The following GAS7 variants were observed in gnomAD, a reference collection of about 807,000 sequenced individuals.
GAS7 encodes growth arrest-specific protein 7.
GAS7 carries 28 observed loss-of-function variants against 71.1 expected under a neutral mutation model. The observed-to-expected ratio is 0.39, with a 90% CI of 0.29 to 0.54. The LOEUF (loss-of-function observed/expected upper bound fraction) is 0.54, where lower values mean the gene tolerates loss of function less well. GAS7 is among the 20% of genes least tolerant of loss of function. The pLI, the probability that GAS7 is intolerant of heterozygous loss-of-function variation, is 0.62. For missense variants in GAS7, 436 were observed against 627.8 expected (o/e 0.69, Z 3.27); for synonymous variants, 258 against 245.8 (o/e 1.05, Z -0.46).
chr17:10,183,982 C>A (rs2074435108), intron 1 of GAS7, among the ~76,000 whole-genome samples: 1 of 152,178 alleles, frequency 6.6e-6, no homozygotes, highest in South Asian at 2.1e-4. Flanking sequence ...CTGGCCGACC[C>A]TTGAACGTTG....
chr17:10,087,273 A>G (rs979902951), intron 1 of GAS7, among the ~76,000 whole-genome samples: 5 of 152,204 alleles, frequency 3.3e-5, no homozygotes, highest in Non-Finnish European at 7.4e-5. Flanking sequence ...CCCTCCCCAC[A>G]ATGACCAGAT....
intron 2 of GAS7, among the ~76,000 whole-genome samples, chr17:10,017,414 C>T (rs1220146092): frequency 6.6e-6 from 1 of 151,848 alleles, no homozygotes; most frequent in African/African-American, 2.4e-5. Flanking sequence ...CTGCAACTTC[C>T]ACCTCACGCG....
chr17:10,163,917 C>T (rs940782445), intron 1 of GAS7, among the ~76,000 whole-genome samples: 1 of 152,194 alleles, frequency 6.6e-6, no homozygotes, highest in Non-Finnish European at 1.5e-5. Context: ...ACGCAGATAA[C>T]GTGCTCACTT....
At chr17:10,167,044 CTTTTTTTTTT>C (rs1164151104) in intron 1 of GAS7, among the ~76,000 whole-genome samples, 56 of 58,818 alleles carry the variant, frequency 9.5e-4, no homozygotes, top group African/African-American at 2.8e-3. Flanking sequence ...TTCCATTTGT[CTTTTTTTTTT>C]TTTTTTTTTT....
chr17:10,005,138 C>CGCACGCATGCATGCATGTGTGT (rs2071438195), intron 2 of GAS7, among the ~76,000 whole-genome samples: 6 of 149,874 alleles, frequency 4.0e-5, no homozygotes, highest in Non-Finnish European at 7.4e-5. Context: ...AGCATGTGTG[C>CGCACGCATGCATGCATGTGTGT]GCGCACGCAT....
At chr17:9,992,562 CT>C (rs59174282) in intron 2 of GAS7, among the ~76,000 whole-genome samples, 38,688 of 143,594 alleles carry the variant, frequency 0.27, 5,138 homozygotes, top group Middle Eastern at 0.36. Context: ...TTCCCAAAGT[CT>C]TTTTTTTTTT....
chr17:10,076,855 A>G (rs2073400021), intron 1 of GAS7, among the ~76,000 whole-genome samples: 1 of 148,182 alleles, frequency 6.7e-6, no homozygotes, highest in South Asian at 2.1e-4. Context: ...CCAGAGCCGG[A>G]ATCAAGCCTG....
At chr17:9,961,507 G>A (rs540408096) in intron 4 of GAS7, among the ~76,000 whole-genome samples, 1 of 152,258 alleles carries the variant, frequency 6.6e-6, no homozygotes, top group South Asian at 2.1e-4. Flanking sequence ...TCACCACCGC[G>A]TTCCCACTGC....
In GAS7 at chr17:10,009,036, T is replaced by C. The variant is rs188955742; in HGVS notation, c.304+10741A>G. Among the ~76,000 whole-genome samples, 774 of 152,294 alleles carry C rather than the reference T, an allele frequency of 5.1e-3. 2 individuals carry two copies. The highest frequency in any genetic ancestry group is 7.4e-3 in the Non-Finnish European group (504 of 68,020). On this transcript the variant is annotated intron_variant, in intron 2 of 13. Coordinates refer to ENST00000432992, the MANE Select transcript of GAS7 (RefSeq NM_201433.2). ...CAAAGAAAAGTTAAAAGTGTTCTACTGGGGCCGGGCGCGGTGGCTCACGCC... is the reference window on the plus strand; with the variant it reads ...CAAAGAAAAGTTAAAAGTGTTCTACCGGGGCCGGGCGCGGTGGCTCACGCC...
chr17:9,946,602 A>T (rs913761825), intron 6 of GAS7, among the ~76,000 whole-genome samples: 9 of 152,194 alleles, frequency 5.9e-5, no homozygotes, highest in Non-Finnish European at 1.3e-4. Context: ...GGCAGATTCT[A>T]GTCTCCTGCC....
intron 3 of GAS7, among the ~76,000 whole-genome samples, chr17:9,979,597 C>G (rs3786091): frequency 0.39 from 58,539 of 151,910 alleles, 13,239 homozygotes; most frequent in African/African-American, 0.64. Context: ...TGTGGAGGGT[C>G]CCAGGAGAGC....
intron 1 of GAS7, among the ~76,000 whole-genome samples, chr17:10,153,386 G>A (rs1457524895): frequency 2.0e-5 from 3 of 151,768 alleles, no homozygotes; most frequent in Admixed American, 6.6e-5. Context: ...GTGTGGTGGC[G>A]GGTGCCTGTA....
intron 1 of GAS7, among the ~76,000 whole-genome samples, chr17:10,190,995 G>A (rs988465809): frequency 6.6e-6 from 1 of 151,742 alleles, no homozygotes; most frequent in Non-Finnish European, 1.5e-5. Context: ...GACCAACATG[G>A]AGAAATCCCA....
chr17:9,927,003 G>T, intron 9 of GAS7: 2 of 503,100 alleles, frequency 4.0e-6, no homozygotes, highest in South Asian at 3.1e-5. Context: ...CAGGATAAGT[G>T]GTTAGCAACT....
chr17:10,043,943 A>T (rs1008207007), intron 1 of GAS7, among the ~76,000 whole-genome samples: 3 of 152,106 alleles, frequency 2.0e-5, no homozygotes, highest in Admixed American at 2.0e-4. Flanking sequence ...TAAATAAATA[A>T]ATAAAATCAT....
intron 1 of GAS7, among the ~76,000 whole-genome samples, chr17:10,112,268 G>A (rs1327806392): frequency 1.3e-5 from 2 of 152,150 alleles, no homozygotes; most frequent in African/African-American, 4.8e-5. Flanking sequence ...GCTTTCCAGG[G>A]GTGTTTGCCC....
chr17:9,961,499 A>AC (rs1234234881), intron 4 of GAS7, among the ~76,000 whole-genome samples: 1 of 152,010 alleles, frequency 6.6e-6, no homozygotes, highest in African/African-American at 2.4e-5. Context: ...TACCACCATC[A>AC]CCACCGCGTT....
Position 10,093,443 on chromosome 17 carries a change from G to A in GAS7, c.184-73546C>T, listed in dbSNP as rs372423220. ...AAATTAGCTGGGCATGGTGGCACAC[G>A]CCTGAGTCCCAGCTACTCAGGAGGC... On this transcript the variant is annotated intron_variant, in intron 1 of 13. Transcript: ENST00000432992. 3.5e-3 allele frequency among the ~76,000 whole-genome samples: 535 copies of A among 151,036 alleles called. 3 individuals carry two copies. The highest frequency in any genetic ancestry group is 0.012 in the African/African-American group (490 of 41,070).
intron 1 of GAS7, among the ~76,000 whole-genome samples, chr17:10,164,805 C>A (rs958308978): frequency 7.3e-6 from 1 of 136,594 alleles, no homozygotes; most frequent in African/African-American, 2.8e-5. Flanking sequence ...CAAGACTGGG[C>A]AACATGGTGA....
Sources: gnomAD v4.1 joint callset for allele counts (sites outside exome capture counted in the v4.1 genomes callset) on GRCh38, gnomAD v4.1.1 for gene constraint, MANE v1.5 for transcripts, NCBI Gene and HGNC (gene_info 2026-07-23, HGNC 2026-07-21) for gene names.